HDAC4: variants seen among roughly 807,000 people sequenced by gnomAD.
HDAC4 encodes the protein histone deacetylase 4, also known as histone deacetylase A.
In HDAC4, 16 loss-of-function variants were observed where a neutral mutation model predicts 135.1. That is an observed-to-expected ratio of 0.12 (90% CI 0.08 to 0.18). The LOEUF (loss-of-function observed/expected upper bound fraction) is 0.18. Ranked by LOEUF, HDAC4 falls within the 10% of genes least tolerant of loss-of-function variation. The pLI is 1.00. For missense variants in HDAC4, 1,143 were observed against 1,511.8 expected (o/e 0.76, Z 4.05); for synonymous variants, 685 against 653.4 (o/e 1.05, Z -0.74).
At chr2:239,295,580 A>G (rs576998029) in intron 2 of HDAC4, among the ~76,000 whole-genome samples, 11 of 152,258 alleles carry the variant, frequency 7.2e-5, no homozygotes, top group African/African-American at 2.6e-4. Context: ...AAAGGAGAAC[A>G]ATGCACCCTG....
At position 239,051,847 on chromosome 2, in the gene HDAC4, TTATATA is replaced by T. The variant is rs35799252; in HGVS notation, c.*1244_*1249del. On this transcript the variant is annotated 3_prime_UTR_variant, in exon 27 of 27. Transcript: ENST00000543185. ...GGGACCTTCGCAATCTGCATTCATT[TTATATA>T]TATATATATACTTTTTCTATAAATG... 1.3e-5 allele frequency: 2 copies of T among 150,256 alleles called. No individual in the cohort carries two copies. The highest frequency in any genetic ancestry group is 4.9e-5 in the African/African-American group (2 of 40,954). 9.3% of individuals were successfully genotyped at this position (150,256 alleles called of 1,614,324 possible).
chr2:239,264,184 G>C (rs192580495), intron 2 of HDAC4, among the ~76,000 whole-genome samples: 2 of 152,322 alleles, frequency 1.3e-5, no homozygotes, highest in African/African-American at 4.8e-5. Flanking sequence ...AGACACCGGA[G>C]TTCCTGCCGC....
At chr2:239,179,190 G>A (rs618655) in intron 4 of HDAC4, among the ~76,000 whole-genome samples, 126,263 of 152,192 alleles carry the variant, frequency 0.83, 52,720 homozygotes, top group South Asian at 0.96. Context: ...TCCATGAGTG[G>A]CTGCGCTGGC....
chr2:239,061,029 G>A (rs753727714), intron 24 of HDAC4, among the ~76,000 whole-genome samples: 9 of 152,260 alleles, frequency 5.9e-5, no homozygotes, highest in Non-Finnish European at 1.2e-4. Flanking sequence ...TTGGCAGCCC[G>A]GATGGAAAGA....
chr2:239,121,209 G>A lies in HDAC4; in HGVS notation c.1533+5247C>T, dbSNP rs573594000. 1.9e-4 allele frequency among the ~76,000 whole-genome samples: 29 copies of A among 152,244 alleles called. No individual in the cohort carries two copies. The South Asian group carries it at 5.8e-3, about 31-fold the overall frequency. On this transcript the variant is annotated intron_variant, in intron 12 of 26. Transcript: ENST00000543185. Reference sequence around the variant, plus strand: ...TGAGCCAAAACGATCCACCCACCTTGGCCTCCCAGAGTGCTGGGATTACAG... The same window carrying A: ...TGAGCCAAAACGATCCACCCACCTTAGCCTCCCAGAGTGCTGGGATTACAG...
intron 1 of HDAC4, among the ~76,000 whole-genome samples, chr2:239,377,087 G>GGCCTCTGCCTTCGGT (rs1165123371): frequency 6.6e-6 from 1 of 152,088 alleles, no homozygotes; most frequent in African/African-American, 2.4e-5. Context: ...CAGCCTGCGG[G>GGCCTCTGCCTTCGGT]GCCTCTGCCT....
chr2:239,316,849 G>C (rs939056281), intron 2 of HDAC4, among the ~76,000 whole-genome samples: 4 of 152,234 alleles, frequency 2.6e-5, no homozygotes, highest in African/African-American at 4.8e-5. Context: ...GCTTCTCTGA[G>C]TCTGGCTGCT....
chr2:239,295,613 T>C (rs985303689), intron 2 of HDAC4, among the ~76,000 whole-genome samples: 1 of 152,212 alleles, frequency 6.6e-6, no homozygotes, highest in African/African-American at 2.4e-5. Flanking sequence ...AGAAAGCTCT[T>C]GGCATTCTCA....
At position 239,080,931 on chromosome 2, in the gene HDAC4, C is replaced by T. The variant is rs371333156; in HGVS notation, c.2750+164G>A. The T allele has an allele frequency of 1.3e-3, 812 of 604,970 alleles. 4 individuals are homozygous for T. The highest frequency in any genetic ancestry group is 7.9e-3 in the Middle Eastern group (18 of 2,284). The allele number at this position is 604,970 out of a possible 1,614,324, so 37.5% of individuals were successfully genotyped here. On this transcript the variant is annotated intron_variant, in intron 22 of 26. Coordinates refer to ENST00000543185, the MANE Select transcript of HDAC4 (RefSeq NM_001378414.1). The stretch of plus-strand genomic sequence containing the variant: ...TAAGAAGATAGTCGCCAAGATTCCA[C>T]GCTTGGCACTGAAGAATGAACTGAG...
chr2:239,056,611 G>C (rs2106440249), intron 24 of HDAC4, among the ~76,000 whole-genome samples: 1 of 152,362 alleles, frequency 6.6e-6, no homozygotes, highest in Admixed American at 6.5e-5. Context: ...GGGGAGCAGA[G>C]ACAACTCCTT....
intron 3 of HDAC4, among the ~76,000 whole-genome samples, chr2:239,196,802 T>C (rs367592463): frequency 6.6e-6 from 1 of 152,100 alleles, no homozygotes. Context: ...CCTCGGGGAA[T>C]CGAGGCAGTG....
chr2:239,291,069 G>A (rs1329914657), intron 2 of HDAC4, among the ~76,000 whole-genome samples: 1 of 152,258 alleles, frequency 6.6e-6, no homozygotes, highest in East Asian at 1.9e-4. Context: ...GTGCGTGCCC[G>A]GGACAGGGAG....
At chr2:239,193,225 T>C (rs2153052252) in intron 3 of HDAC4, among the ~76,000 whole-genome samples, 1 of 152,374 alleles carries the variant, frequency 6.6e-6, no homozygotes, top group South Asian at 2.1e-4. Context: ...CCTGACCCGC[T>C]GCTGGCTTTA....
chr2:239,173,615 C>T (rs1039279377), intron 5 of HDAC4, among the ~76,000 whole-genome samples: 1 of 152,172 alleles, frequency 6.6e-6, no homozygotes, highest in Non-Finnish European at 1.5e-5. Context: ...GACAAATGTT[C>T]CTGCCATCAG....
At chr2:239,171,532 A>G (rs2043451545) in intron 5 of HDAC4, among the ~76,000 whole-genome samples, 1 of 152,270 alleles carries the variant, frequency 6.6e-6, no homozygotes, top group Non-Finnish European at 1.5e-5. Flanking sequence ...ACACAGGTGT[A>G]TAACTAAATC....
chr2:239,273,489 T>C (rs1341356624), intron 2 of HDAC4, among the ~76,000 whole-genome samples: 1 of 152,324 alleles, frequency 6.6e-6, no homozygotes, highest in East Asian at 1.9e-4. Flanking sequence ...AGAAGTCTTT[T>C]ACCTGATTCA....
chr2:239,112,167 C>A (rs1454447833), intron 13 of HDAC4, among the ~76,000 whole-genome samples: 1 of 152,090 alleles, frequency 6.6e-6, no homozygotes, highest in Non-Finnish European at 1.5e-5. Context: ...GCAGCCTGGC[C>A]CTCGCTGGTT....
At chr2:239,060,173 A>G in intron 24 of HDAC4, among the ~76,000 whole-genome samples, 1 of 151,914 alleles carries the variant, frequency 6.6e-6, no homozygotes, top group East Asian at 1.9e-4. Context: ...CACTGATGGG[A>G]CTCCATCCAC....
Position 239,285,505 on chromosome 2 carries a change from C to G in HDAC4, c.23-48841G>C, listed in dbSNP as rs923904223. On this transcript the variant is annotated intron_variant, in intron 2 of 26. Transcript: ENST00000543185. This position sits in a 1 kb window ranked among gnomAD's most constrained non-coding sequence, Gnocchi z 4.5. ...GCCAGCAAGTGTCTCCGCCGCGGGA[C>G]CTGTCATCCCAGCTGGTGGGGAGAA... Among the ~76,000 whole-genome samples the G allele has an allele frequency of 2.0e-5, 3 of 152,168 alleles. No homozygotes were observed. Among genetic ancestry groups the G allele is most frequent in the African/African-American group, 7.2e-5 (3 of 41,436 alleles).
Sources: allele counts gnomAD v4.1 joint callset (sites outside exome capture counted in the v4.1 genomes callset), GRCh38; gene constraint gnomAD v4.1.1; non-coding constraint Gnocchi (gnomAD v3.1); transcripts MANE v1.5; gene names NCBI Gene and HGNC (gene_info 2026-07-23, HGNC 2026-07-21).